Variants in DCC observed in about 807,000 individuals in gnomAD.
DCC encodes the protein netrin receptor DCC.
DCC carries 58 observed loss-of-function variants against 172.5 expected under a neutral mutation model. The observed-to-expected ratio is 0.34, with a 90% CI of 0.27 to 0.42. DCC has a LOEUF of 0.42. Among genes scored for constraint, DCC ranks in the 10% least tolerant of loss-of-function variants. The pLI is 1.00. For missense variants in DCC, 1,740 were observed against 1,791.0 expected (o/e 0.97, Z 0.51); for synonymous variants, 709 against 644.5 (o/e 1.10, Z -1.52).
At chr18:52,523,357 G>T (rs184347175) in intron 1 of DCC, among the ~76,000 whole-genome samples, 178 of 142,036 alleles carry the variant, frequency 1.3e-3, no homozygotes, top group Middle Eastern at 3.5e-3. Context: ...TCTGTACCAT[G>T]TTGTCAAACT....
At chr18:52,660,638 G>A (rs7244053) in intron 1 of DCC, among the ~76,000 whole-genome samples, 12,060 of 152,128 alleles carry the variant, frequency 0.079, 1,355 homozygotes, top group African/African-American at 0.25. Context: ...CTTAACTTTC[G>A]AATTACAGAT....
intron 2 of DCC, among the ~76,000 whole-genome samples, chr18:52,845,893 G>C (rs549979769): frequency 6.6e-6 from 1 of 151,770 alleles, no homozygotes; most frequent in Non-Finnish European, 1.5e-5. Flanking sequence ...CTGGGGGAAA[G>C]TCCCTCCTTA....
chr18:52,808,366 C>T (rs2038127582), intron 2 of DCC, among the ~76,000 whole-genome samples: 1 of 149,226 alleles, frequency 6.7e-6, no homozygotes, highest in South Asian at 2.1e-4. Flanking sequence ...AGTAGACAGC[C>T]TGTAATTCTG....
intron 1 of DCC, among the ~76,000 whole-genome samples, chr18:52,700,211 CACATGTGCACACACAT>C (rs2036089350): frequency 2.2e-4 from 11 of 51,128 alleles, no homozygotes; most frequent in Non-Finnish European, 4.9e-4. Flanking sequence ...TACACACATG[CACATGTGCACACACAT>C]GCACACTCAC....
intron 13 of DCC, 22 bp from the exon 14 acceptor site, chr18:53,322,025 C>G (rs370913930): frequency 5.3e-5 from 72 of 1,357,360 alleles, no homozygotes; most frequent in African/African-American, 1.6e-4. Flanking sequence ...TTTCTTCCCC[C>G]CTGTGGAAAA....
At chr18:53,275,962 G>A (rs57802475) in intron 12 of DCC, among the ~76,000 whole-genome samples, 14,807 of 151,908 alleles carry the variant, frequency 0.097, 2,249 homozygotes, top group African/African-American at 0.33. Flanking sequence ...ATTTTCAAAA[G>A]TTAAAAATAT....
At chr18:52,610,408 G>GAAAAAA (rs2034254112) in intron 1 of DCC, among the ~76,000 whole-genome samples, 1 of 76,292 alleles carries the variant, frequency 1.3e-5, no homozygotes, top group Non-Finnish European at 2.6e-5. Context: ...AAAAAAAAAA[G>GAAAAAA]AAAAAGAAAA....
At chr18:53,341,640 A>G (rs2057661269) in intron 15 of DCC, among the ~76,000 whole-genome samples, 2 of 152,196 alleles carry the variant, frequency 1.3e-5, no homozygotes, top group African/African-American at 4.8e-5. Flanking sequence ...AATATGAAAT[A>G]CAGTAATTAG....
intron 1 of DCC, among the ~76,000 whole-genome samples, chr18:52,541,150 C>T (rs1568219594): frequency 6.6e-6 from 1 of 152,258 alleles, no homozygotes; most frequent in East Asian, 1.9e-4. Context: ...ACCCAGATAA[C>T]ATCGTATACA....
chr18:53,366,244 A>G (rs2058003495), intron 15 of DCC, among the ~76,000 whole-genome samples: 2 of 151,996 alleles, frequency 1.3e-5, no homozygotes, highest in Non-Finnish European at 1.5e-5. Context: ...TTTAGTAGAG[A>G]CGGGGTTTCA....
At chr18:52,405,875 G>A (rs1472004948) in intron 1 of DCC, among the ~76,000 whole-genome samples, 1 of 151,770 alleles carries the variant, frequency 6.6e-6, no homozygotes, top group South Asian at 2.1e-4. Flanking sequence ...TCAATCCTAA[G>A]CCAAAAGAAC....
chr18:53,366,841 C>T (rs1260743048), intron 15 of DCC, among the ~76,000 whole-genome samples: 1 of 152,170 alleles, frequency 6.6e-6, no homozygotes, highest in Non-Finnish European at 1.5e-5. Context: ...TCACAGAATG[C>T]AGTAGAACGT....
At chr18:52,853,103 G>A (rs1377178398) in intron 2 of DCC, among the ~76,000 whole-genome samples, 1 of 152,104 alleles carries the variant, frequency 6.6e-6, no homozygotes, top group Non-Finnish European at 1.5e-5. Flanking sequence ...AAGATCAAAT[G>A]TTAGGGTGGG....
At chr18:53,113,902 T>C (rs2043373090) in intron 7 of DCC, among the ~76,000 whole-genome samples, 1 of 151,486 alleles carries the variant, frequency 6.6e-6, no homozygotes, top group Non-Finnish European at 1.5e-5. Flanking sequence ...TTGCCAATGA[T>C]GTTTTAATTA....
intron 25 of DCC, among the ~76,000 whole-genome samples, chr18:53,474,684 G>A (rs1014605432): frequency 3.0e-4 from 46 of 152,268 alleles, no homozygotes; most frequent in African/African-American, 1.0e-3. Context: ...TCCAATAAAC[G>A]TCTTTTGTAA....
chr18:53,081,419 A>G (rs1377194049), intron 7 of DCC, among the ~76,000 whole-genome samples: 1 of 152,108 alleles, frequency 6.6e-6, no homozygotes, highest in African/African-American at 2.4e-5. Context: ...CCACAAATCA[A>G]AAACCAAACA....
At chr18:53,075,245 C>G (rs1404273127) in intron 7 of DCC, among the ~76,000 whole-genome samples, 1 of 152,106 alleles carries the variant, frequency 6.6e-6, no homozygotes, top group Non-Finnish European at 1.5e-5. Context: ...TTTGCAGTAT[C>G]AGTTTAATAA....
chr18:53,484,614 G>A (rs578121021), intron 25 of DCC, among the ~76,000 whole-genome samples: 1 of 152,116 alleles, frequency 6.6e-6, no homozygotes, highest in African/African-American at 2.4e-5. Context: ...TCTGTATGGT[G>A]TGAGATAAGG....
At chr18:53,208,971 T>A (rs887975150) in intron 11 of DCC, among the ~76,000 whole-genome samples, 5 of 152,158 alleles carry the variant, frequency 3.3e-5, no homozygotes, top group African/African-American at 1.2e-4. Flanking sequence ...CCTCAAGTGA[T>A]CCACCCGCCT....
Sources: allele counts gnomAD v4.1 joint callset (sites outside exome capture counted in the v4.1 genomes callset), GRCh38; gene constraint gnomAD v4.1.1; transcripts MANE v1.5; gene names NCBI Gene and HGNC (gene_info 2026-07-23, HGNC 2026-07-21).